Variants in LRRC9 observed in about 807,000 individuals in gnomAD.
LRRC9 encodes leucine rich repeat containing 9, also known as leucine-rich repeat-containing protein 9.
A neutral mutation model predicts 63.2 loss-of-function variants in LRRC9; 122 were observed. That is an observed-to-expected ratio of 1.93 (90% confidence interval 1.67 to 2.24). The LOEUF is 2.24. LRRC9 is among the 30% of genes most tolerant of loss of function. The probability of loss-of-function intolerance (pLI) is 0.00; values close to 1 mark genes in which losing one functional copy is unlikely to be tolerated. For synonymous variants in LRRC9, 366 were observed against 213.1 expected (o/e 1.72, Z -6.25); for missense variants, 1,071 against 627.7 (o/e 1.71, Z -7.55).
exon 14 of LRRC9, chr14:59,977,270 C>A (rs564959995): frequency 1.4e-6 from 1 of 700,634 alleles, no homozygotes; most frequent in Non-Finnish European, 2.6e-6. Context: ...AGTGTTCAGG[C>A]CCATGAAAAA....
At position 60,053,996 on chromosome 14, in the gene LRRC9, A is replaced by G. The variant is rs1463232401; in HGVS notation, c.4131+791A>G. ...ATGTTATGAAGACCTGGACCACGGT[A>G]GAGAATATAAATGAATCTTTGATGT... On this transcript the variant is annotated intron_variant, in intron 30 of 31. Coordinates refer to ENST00000445360, the Ensembl canonical transcript of LRRC9. The surrounding 1 kb of genome is among the most constrained non-coding windows in gnomAD (Gnocchi z 4.8). The G allele has an allele frequency of 6.9e-6, 3 of 433,134 alleles. No individual in the cohort carries two copies. Among genetic ancestry groups the G allele is most frequent in the Non-Finnish European group, 1.4e-5 (3 of 220,978 alleles). 26.8% of individuals were successfully genotyped at this position (433,134 alleles called of 1,614,324 possible).
intron 12 of LRRC9, among the ~76,000 whole-genome samples, chr14:59,971,123 G>T (rs995264414): frequency 2.0e-5 from 3 of 152,024 alleles, no homozygotes; most frequent in African/African-American, 7.2e-5. Context: ...TAAGAAAGGG[G>T]CCCAGTTTCA....
chr14:59,935,263 C>T (rs2139806208), intron 6 of LRRC9, among the ~76,000 whole-genome samples: 1 of 147,504 alleles, frequency 6.8e-6, no homozygotes, highest in East Asian at 2.0e-4. Context: ...CACTGCACTA[C>T]AGCCTGGGTA....
At position 59,958,118 on chromosome 14, in the gene LRRC9, T is replaced by C. The variant is rs958882173; in HGVS notation, c.883-1700T>C. Among the ~76,000 whole-genome samples, 2 of 152,192 alleles carry C rather than the reference T, an allele frequency of 1.3e-5. No individual in the cohort carries two copies. Among genetic ancestry groups the C allele is most frequent in the African/African-American group, 2.4e-5 (1 of 41,462 alleles). Reference sequence around the variant, plus strand: ...GAGGCACGGGGGTCAGGAACCCACTTGAGCAGGCAGTCTGTCCCTTAGCAG... The same window carrying C: ...GAGGCACGGGGGTCAGGAACCCACTCGAGCAGGCAGTCTGTCCCTTAGCAG... On this transcript the variant is annotated intron_variant, in intron 8 of 31. Coordinates refer to ENST00000445360, the Ensembl canonical transcript of LRRC9. This position sits in a 1 kb window ranked among gnomAD's most constrained non-coding sequence, Gnocchi z 4.0.
intron 23 of LRRC9, among the ~76,000 whole-genome samples, chr14:60,015,301 G>A (rs556726855): frequency 1.9e-4 from 29 of 152,172 alleles, no homozygotes; most frequent in Non-Finnish European, 3.2e-4. Flanking sequence ...TCCGTTGATC[G>A]TCTTTTCACA....
chr14:60,025,063 T>G (rs913926899), intron 27 of LRRC9, among the ~76,000 whole-genome samples: 5 of 151,318 alleles, frequency 3.3e-5, no homozygotes, highest in Admixed American at 2.0e-4. Flanking sequence ...TGGTTTTTTG[T>G]TTTTGGTTTT....
rs1418435603 is a variant in LRRC9 at position 59,960,897 on chromosome 14, A to T, written c.1080-17A>T. On this transcript the variant is annotated splice_polypyrimidine_tract_variant and intron_variant, in intron 9 of 31. Coordinates refer to ENST00000445360, the Ensembl canonical transcript of LRRC9. Reference sequence around the variant, plus strand: ...TTAGATCATTCTAATAGCTGTATGTATTTTTCTCTCCAATAGAATTGAAGC... The same window carrying T: ...TTAGATCATTCTAATAGCTGTATGTTTTTTTCTCTCCAATAGAATTGAAGC... The T allele has an allele frequency of 7.9e-6, 5 of 632,636 alleles. No homozygotes were observed. Among genetic ancestry groups the T allele is most frequent in the Non-Finnish European group, 1.4e-5 (5 of 352,098 alleles). The allele number at this position is 632,636 out of a possible 1,614,324, so 39.2% of individuals were successfully genotyped here.
At position 60,014,280 on chromosome 14, in the gene LRRC9, T is replaced by C. The variant is rs1185065868; in HGVS notation, c.3187-2380T>C. Among the ~76,000 whole-genome samples, 4 of 152,188 alleles carry C rather than the reference T, an allele frequency of 2.6e-5. No individual in the cohort carries two copies. The East Asian group carries it at 7.7e-4, about 29-fold the overall frequency. ...CCAATGAGACAATATTATAGTTTTT[T>C]CACATCAACTAATCAAAGATAATTT... On this transcript the variant is annotated intron_variant, in intron 23 of 31. Coordinates refer to ENST00000445360, the Ensembl canonical transcript of LRRC9.
Position 59,933,236 on chromosome 14 carries a change from T to TCACAGTGC in LRRC9, c.543+1201_543+1208dup, listed in dbSNP as rs142996946. On this transcript the variant is annotated intron_variant, in intron 6 of 31. Transcript: ENST00000445360. ...CCTCCCCAACCTGCAGCACTCCCTA[T>TCACAGTGC]CACAGTGCCACTGTTTCATTTTTCC... Among the ~76,000 whole-genome samples, 1,054 of 152,284 alleles carry TCACAGTGC rather than the reference T, an allele frequency of 6.9e-3. 13 individuals are homozygous for TCACAGTGC. The highest frequency in any genetic ancestry group is 0.025 in the African/African-American group (1,031 of 41,562).
At position 59,927,410 on chromosome 14, in the gene LRRC9, T is replaced by G. The variant is rs1889297060; in HGVS notation, c.-33-501T>G. 3.9e-5 allele frequency among the ~76,000 whole-genome samples: 6 copies of G among 152,094 alleles called. No individual in the cohort carries two copies. The highest frequency in any genetic ancestry group is 3.9e-4 in the Admixed American group (6 of 15,260). On this transcript the variant is annotated intron_variant, in intron 1 of 31. Coordinates refer to ENST00000445360, the Ensembl canonical transcript of LRRC9. The surrounding 1 kb of genome is among the most constrained non-coding windows in gnomAD (Gnocchi z 4.4). ...GGAGAAGTTGGAGTATTTATTTTAA[T>G]AAACACTTATTACTATGCCAAAAAT...
downstream of LRRC9, among the ~76,000 whole-genome samples, chr14:60,065,077 A>T (rs1416901201): frequency 6.6e-6 from 1 of 152,142 alleles, no homozygotes; most frequent in Non-Finnish European, 1.5e-5. Context: ...AATTCTTAAA[A>T]ATTGTTAATT....
At chr14:60,001,380 C>T (rs905188064) in intron 19 of LRRC9, among the ~76,000 whole-genome samples, 1 of 152,064 alleles carries the variant, frequency 6.6e-6, no homozygotes, top group African/African-American at 2.4e-5. Context: ...TAAGGGAATA[C>T]TATACATAGG....
chr14:59,997,393 G>A (rs219362), intron 17 of LRRC9, among the ~76,000 whole-genome samples: 113,772 of 151,966 alleles, frequency 0.75, 44,720 homozygotes, highest in Non-Finnish European at 0.87. Context: ...GTTTCTTTAT[G>A]TCTTCTCTCC....
At position 59,964,548 on chromosome 14, in the gene LRRC9, T is replaced by C. The variant is rs908736700; in HGVS notation, c.1212-2041T>C. Among the ~76,000 whole-genome samples, 11 of 152,184 alleles carry C rather than the reference T, an allele frequency of 7.2e-5. No homozygotes were observed. Among genetic ancestry groups the C allele is most frequent in the African/African-American group, 1.7e-4 (7 of 41,448 alleles). ...AGCTAGGTATTGTTTATTCATTCCT[T>C]CCACCCATTCATGAGACGCCTCAAG... On this transcript the variant is annotated intron_variant, in intron 10 of 31. Coordinates refer to ENST00000445360, the Ensembl canonical transcript of LRRC9. This position sits in a 1 kb window ranked among gnomAD's most constrained non-coding sequence, Gnocchi z 4.4.
At chr14:59,952,301 G>C (rs893880124) in intron 8 of LRRC9, among the ~76,000 whole-genome samples, 1 of 152,190 alleles carries the variant, frequency 6.6e-6, no homozygotes, top group Non-Finnish European at 1.5e-5. Context: ...ACTCGGAAAG[G>C]GAACTCCCTG....
chr14:59,970,506 C>G (rs1885366150), intron 12 of LRRC9, among the ~76,000 whole-genome samples: 1 of 152,136 alleles, frequency 6.6e-6, no homozygotes, highest in Admixed American at 6.6e-5. Context: ...GGAATCATCA[C>G]ACTGTTCTTC....
rs577253711 is a variant in LRRC9, at chr14:59,956,684, T to C, written c.883-3134T>C. Among the ~76,000 whole-genome samples, 24 of 152,372 alleles carry C rather than the reference T, an allele frequency of 1.6e-4. No homozygotes were observed. In the East Asian group the frequency reaches 4.4e-3, roughly 28 times the overall value. On this transcript the variant is annotated intron_variant, in intron 8 of 31. Coordinates refer to ENST00000445360, the Ensembl canonical transcript of LRRC9. ...TGTGAATTTGATCCTGTCATCATGA[T>C]GCTAGCTGGTTATTTTGCACATTAA... is the stretch of plus-strand genomic sequence containing the variant.
At chr14:60,064,942 C>T (rs1316224040), downstream of LRRC9, among the ~76,000 whole-genome samples, 1 of 152,172 alleles carries the variant, frequency 6.6e-6, no homozygotes, top group African/African-American at 2.4e-5. Context: ...AAAAACATAA[C>T]TTACACTGTA....
intron 12 of LRRC9, among the ~76,000 whole-genome samples, chr14:59,972,286 G>A (rs748145985): frequency 6.6e-6 from 1 of 152,060 alleles, no homozygotes; most frequent in Non-Finnish European, 1.5e-5. Context: ...CTAGTTTGCA[G>A]GTTAATCCAA....
Sources: gnomAD v4.1 joint callset for allele counts (sites outside exome capture counted in the v4.1 genomes callset) on GRCh38, gnomAD v4.1.1 for gene constraint, Gnocchi (gnomAD v3.1) non-coding constraint, MANE v1.5 for transcripts, NCBI Gene and HGNC (gene_info 2026-07-23, HGNC 2026-07-21) for gene names.